Variants in GRIK5 observed in about 807,000 individuals in gnomAD.
GRIK5 encodes glutamate ionotropic receptor kainate type subunit 5.
A neutral mutation model predicts 97.4 loss-of-function variants in GRIK5; 43 were observed. The observed-to-expected ratio is 0.44, with a 90% CI of 0.35 to 0.57. The LOEUF (loss-of-function observed/expected upper bound fraction) is 0.57. GRIK5 is among the 20% of genes least tolerant of loss of function. The pLI, the probability that GRIK5 is intolerant of heterozygous loss-of-function variation, is 0.01. For missense variants in GRIK5, 1,015 were observed against 1,382.0 expected (o/e 0.73, Z 4.21); for synonymous variants, 580 against 583.5 (o/e 0.99, Z 0.09).
intron 1 of GRIK5, among the ~76,000 whole-genome samples, chr19:42,067,983 A>G (rs2076361692): frequency 2.0e-5 from 3 of 152,232 alleles, no homozygotes; most frequent in Admixed American, 1.3e-4. Context: ...GCGAAGGCAC[A>G]CAGGGTGAGG....
chr19:42,027,333 A>C (rs2146068169), intron 12 of GRIK5, among the ~76,000 whole-genome samples: 1 of 152,324 alleles, frequency 6.6e-6, no homozygotes, highest in Non-Finnish European at 1.5e-5. Context: ...AAGTACAGAA[A>C]AGGCAGGAGA....
Position 42,001,743 on chromosome 19 carries a change from G to A in GRIK5, c.2514+1589C>T, listed in dbSNP as rs1051254526. On this transcript the variant is annotated intron_variant, in intron 19 of 19. Coordinates refer to ENST00000593562, the MANE Select transcript of GRIK5 (RefSeq NM_002088.5). The stretch of plus-strand genomic sequence containing the variant: ...CAGAAACATCCAGCTAAGCTGCTCC[G>A]AGGCTCTGGACCCACAGAAACTGTG... 4.8e-5 allele frequency: 10 copies of A among 210,328 alleles called. 1 individual carries two copies. Among genetic ancestry groups the A allele is most frequent in the African/African-American group, 1.6e-4 (7 of 42,714 alleles). The allele number at this position is 210,328 out of a possible 1,614,324, so 13.0% of individuals were successfully genotyped here.
At chr19:42,058,595 A>G (rs1282103285) in intron 6 of GRIK5, among the ~76,000 whole-genome samples, 1 of 150,774 alleles carries the variant, frequency 6.6e-6, no homozygotes, top group African/African-American at 2.4e-5. Context: ...TGGGAGGCTG[A>G]GGCAGGCAGA....
At chr19:42,032,599 T>C (rs1447958237) in intron 12 of GRIK5, among the ~76,000 whole-genome samples, 3 of 152,196 alleles carry the variant, frequency 2.0e-5, no homozygotes, top group Non-Finnish European at 4.4e-5. Context: ...AAATAATTCA[T>C]GCTGAGCCAC....
At chr19:42,047,633 G>A (rs899701758) in intron 11 of GRIK5, among the ~76,000 whole-genome samples, 6 of 152,046 alleles carry the variant, frequency 3.9e-5, no homozygotes, top group Non-Finnish European at 8.8e-5. Flanking sequence ...AAGAATTATT[G>A]TTATAATAAA....
chr19:42,018,323 C>CA lies in GRIK5; in HGVS notation c.1871+2977dup, dbSNP rs1012859381. On this transcript the variant is annotated intron_variant, in intron 15 of 19. Coordinates refer to ENST00000593562, the MANE Select transcript of GRIK5 (RefSeq NM_002088.5). ...TGGGCGACAGAGCGAGACTCTGTCT[C>CA]AAAAAAAAAAAGAAAAGAAAAGAAA... Among the ~76,000 whole-genome samples, 110 of 121,980 alleles carry CA rather than the reference C, an allele frequency of 9.0e-4. 2 individuals are homozygous for CA. Among genetic ancestry groups the CA allele is most frequent in the Middle Eastern group, 4.4e-3 (1 of 228 alleles). The allele number at this position is 121,980 out of a possible 152,430, so 80.0% of individuals were successfully genotyped here. A position where few individuals can be genotyped will look rare whatever the true frequency, so the allele number is the denominator to read the frequency against.
At chr19:42,012,204 A>G (rs961291247) in intron 15 of GRIK5, among the ~76,000 whole-genome samples, 1 of 151,998 alleles carries the variant, frequency 6.6e-6, no homozygotes, top group Non-Finnish European at 1.5e-5. Context: ...ACATATATGT[A>G]TATGTATATA....
chr19:42,062,351 GA>G lies in GRIK5; in HGVS notation c.508+136del. 2 of 783,140 alleles carry G rather than the reference GA, an allele frequency of 2.6e-6. No homozygotes were observed. The highest frequency in any genetic ancestry group is 5.4e-5 in the East Asian group (2 of 37,154). The allele number at this position is 783,140 out of a possible 1,614,324, so 48.5% of individuals were successfully genotyped here. ...TGTAGAACCAGAGGCCTCGGTTTCT[GA>G]AGATGGGAGAAGAGCCTGGTGCCTG... On this transcript the variant is annotated intron_variant, in intron 5 of 19. Coordinates refer to ENST00000593562, the MANE Select transcript of GRIK5 (RefSeq NM_002088.5). This position sits in a 1 kb window ranked among gnomAD's most constrained non-coding sequence, Gnocchi z 5.3.
At chr19:42,018,543 C>T (rs1203093835) in intron 15 of GRIK5, among the ~76,000 whole-genome samples, 1 of 150,782 alleles carries the variant, frequency 6.6e-6, no homozygotes, top group African/African-American at 2.5e-5. Context: ...CCTGTAATCC[C>T]AGCTACTTGG....
intron 15 of GRIK5, among the ~76,000 whole-genome samples, chr19:42,010,066 C>A (rs1336223331): frequency 5.0e-4 from 52 of 104,026 alleles, no homozygotes; most frequent in South Asian, 9.5e-4. Context: ...AACTCCATCT[C>A]AAAAAAAAAA....
At chr19:42,014,165 G>C (rs558591396) in intron 15 of GRIK5, among the ~76,000 whole-genome samples, 2 of 150,990 alleles carry the variant, frequency 1.3e-5, no homozygotes, top group Admixed American at 1.3e-4. Context: ...AGTCTGAGGC[G>C]GGTGGATTGC....
chr19:42,062,973 C>A lies in GRIK5; in HGVS notation c.245-118G>T. 1.4e-6 allele frequency: 1 copy of A among 730,496 alleles called. No homozygotes were observed. The allele number at this position is 730,496 out of a possible 1,614,324, so 45.3% of individuals were successfully genotyped here. On this transcript the variant is annotated intron_variant, in intron 3 of 19. Transcript: ENST00000593562. The surrounding 1 kb of genome is among the most constrained non-coding windows in gnomAD (Gnocchi z 5.3). ...ATCAGACACTGGCAACTGCCTGATC[C>A]TCTTCTGCCATCCGGGACCCAGAAG...
In GRIK5 at chr19:42,062,247, C is replaced by G. The variant is rs547889040; in HGVS notation, c.508+241G>C. Among the ~76,000 whole-genome samples, 28 of 152,284 alleles carry G rather than the reference C, an allele frequency of 1.8e-4. No homozygotes were observed. The highest frequency in any genetic ancestry group is 6.0e-4 in the African/African-American group (25 of 41,582). On this transcript the variant is annotated intron_variant, in intron 5 of 19. Coordinates refer to ENST00000593562, the MANE Select transcript of GRIK5 (RefSeq NM_002088.5). This position sits in a 1 kb window ranked among gnomAD's most constrained non-coding sequence, Gnocchi z 5.3. ...AGCACCCAGGGACCACGCCCAGGGC[C>G]TAGCAGAGGGCCTTGACATGGCAGG...
chr19:42,035,937 T>C (rs1466690417), intron 12 of GRIK5, among the ~76,000 whole-genome samples: 1 of 152,244 alleles, frequency 6.6e-6, no homozygotes, highest in African/African-American at 2.4e-5. Context: ...AAAATGCTTT[T>C]TAATGCATAT....
At position 41,998,751 on chromosome 19, in the gene GRIK5, G is replaced by T; in HGVS notation, c.*120C>A. On this transcript the variant is annotated 3_prime_UTR_variant, in exon 20 of 20. Coordinates refer to ENST00000593562, the MANE Select transcript of GRIK5 (RefSeq NM_002088.5). ...GGGGAACCAAAGGCAAAATCGCGGC[G>T]TCCGGGGCGCCGGCGCACAAGTCCT... 1 of 408,290 alleles carries T rather than the reference G, an allele frequency of 2.4e-6. No homozygotes were observed. Among genetic ancestry groups the T allele is most frequent in the Non-Finnish European group, 3.4e-6 (1 of 291,008 alleles). 25.3% of individuals were successfully genotyped at this position (408,290 alleles called of 1,614,324 possible). A position where few individuals can be genotyped will look rare whatever the true frequency, so the allele number is the denominator to read the frequency against.
rs772588823 is a variant in GRIK5, at chr19:42,053,785, C to A, written c.1161+40G>T. On this transcript the variant is annotated intron_variant, in intron 10 of 19. Transcript: ENST00000593562. ...CAGCCTCTGGGCCCGCCCCCACCCTCACCCCAGCAGGGCTCTGGCGTCACC... is the reference window on the plus strand; with the variant it reads ...CAGCCTCTGGGCCCGCCCCCACCCTAACCCCAGCAGGGCTCTGGCGTCACC... The A allele has an allele frequency of 4.5e-6, 7 of 1,560,028 alleles. No homozygotes were observed. In the East Asian group the frequency reaches 1.6e-4, roughly 35 times the overall value.
At chr19:42,069,068 T>G in intron 1 of GRIK5, 173 bp downstream of exon 1, 46 of 402,202 alleles carry the variant, frequency 1.1e-4, no homozygotes, top group East Asian at 1.7e-4. Flanking sequence ...TGAGAAGAGG[T>G]CGAGGTGAAT....
chr19:42,037,975 G>A (rs1487926235), intron 12 of GRIK5, among the ~76,000 whole-genome samples: 1 of 152,170 alleles, frequency 6.6e-6, no homozygotes, highest in South Asian at 2.1e-4. Context: ...CCAGGGGCAC[G>A]CCATCACACC....
intron 15 of GRIK5, among the ~76,000 whole-genome samples, chr19:42,017,991 G>A (rs2075645986): frequency 6.6e-6 from 1 of 151,830 alleles, no homozygotes. Flanking sequence ...GGGAGGGATG[G>A]GGGCCATGGT....
Sources: allele counts gnomAD v4.1 joint callset (sites outside exome capture counted in the v4.1 genomes callset), GRCh38; gene constraint gnomAD v4.1.1; non-coding constraint Gnocchi (gnomAD v3.1); transcripts MANE v1.5; gene names NCBI Gene and HGNC (gene_info 2026-07-23, HGNC 2026-07-21).